Variants in FOXP1 observed in about 807,000 individuals in gnomAD.
The protein encoded by FOXP1 is forkhead box protein P1.
Under a neutral mutation model 98.2 loss-of-function variants are expected in FOXP1, and 15 were observed. The observed-to-expected ratio is 0.15, with a 90% CI of 0.10 to 0.24. The LOEUF (loss-of-function observed/expected upper bound fraction) is 0.24. Ranked by LOEUF, FOXP1 falls within the 10% of genes least tolerant of loss-of-function variation. FOXP1 has a pLI of 1.00. For missense variants in FOXP1, 633 were observed against 848.5 expected, an observed-to-expected ratio of 0.75 and a Z score of 3.15; for synonymous variants, 371 against 314.5, an observed-to-expected ratio of 1.18 and a Z score of -1.90.
At chr3:71,343,396 G>A (rs1426978567) in intron 4 of FOXP1, among the ~76,000 whole-genome samples, 2 of 152,058 alleles carry the variant, frequency 1.3e-5, no homozygotes, top group Non-Finnish European at 2.9e-5. Flanking sequence ...GCCTCTAGGA[G>A]AGAAAGGACT....
At chr3:71,481,940 T>C (rs1224635789) in intron 3 of FOXP1, among the ~76,000 whole-genome samples, 2 of 152,144 alleles carry the variant, frequency 1.3e-5, no homozygotes, top group African/African-American at 4.8e-5. Flanking sequence ...TTCCCCATGT[T>C]TCCCCTGCCC....
intron 4 of FOXP1, among the ~76,000 whole-genome samples, chr3:71,311,386 G>T (rs1475151018): frequency 6.6e-6 from 1 of 152,216 alleles, no homozygotes; most frequent in African/African-American, 2.4e-5. Context: ...CAGTGTGCAG[G>T]CCTCTTGCTT....
chr3:71,432,565 C>T (rs2084817588), intron 3 of FOXP1, among the ~76,000 whole-genome samples: 1 of 152,158 alleles, frequency 6.6e-6, no homozygotes. Flanking sequence ...CCCCACCTAA[C>T]ATAGGGCAGG....
chr3:71,190,263 T>C (rs572893568), intron 6 of FOXP1, among the ~76,000 whole-genome samples: 40 of 152,180 alleles, frequency 2.6e-4, no homozygotes, highest in African/African-American at 7.7e-4. Flanking sequence ...GCACCTAACA[T>C]ATCAGTTCCC....
At chr3:71,534,195 C>G (rs1416033040) in intron 2 of FOXP1, among the ~76,000 whole-genome samples, 1 of 152,188 alleles carries the variant, frequency 6.6e-6, no homozygotes, top group African/African-American at 2.4e-5. Context: ...GAAACCCTGT[C>G]TCTACTAAAA....
intron 5 of FOXP1, among the ~76,000 whole-genome samples, chr3:71,213,135 TAAATG>T (rs2064628065): frequency 6.6e-6 from 1 of 152,066 alleles, no homozygotes; most frequent in Non-Finnish European, 1.5e-5. Context: ...AAATGAAAAT[TAAATG>T]AAGGGAGAAA....
chr3:71,204,654 C>A (rs1282413482), intron 5 of FOXP1, among the ~76,000 whole-genome samples: 2 of 152,048 alleles, frequency 1.3e-5, no homozygotes, highest in Non-Finnish European at 2.9e-5. Flanking sequence ...GAGGGGATGA[C>A]AAATGAGACT....
intron 11 of FOXP1, among the ~76,000 whole-genome samples, chr3:71,019,808 C>T (rs960102689): frequency 6.6e-5 from 10 of 151,546 alleles, no homozygotes; most frequent in African/African-American, 2.4e-4. Flanking sequence ...CCAGCCTGGG[C>T]GACAGATGAC....
chr3:71,108,909 C>A (rs831443), intron 7 of FOXP1, among the ~76,000 whole-genome samples: 137,540 of 152,236 alleles, frequency 0.9, 63,241 homozygotes, highest in Non-Finnish European at 0.98. Flanking sequence ...CAGCACCATG[C>A]CCAGCCTGCT....
chr3:70,972,904 A>G (rs1206562683), intron 17 of FOXP1, among the ~76,000 whole-genome samples: 1 of 152,230 alleles, frequency 6.6e-6, no homozygotes, highest in Non-Finnish European at 1.5e-5. Context: ...GTCTCTGGTA[A>G]TAACTGACCA....
intron 6 of FOXP1, among the ~76,000 whole-genome samples, chr3:71,184,768 T>G (rs60857092): frequency 0.042 from 6,322 of 150,858 alleles, 294 homozygotes; most frequent in East Asian, 0.15. Flanking sequence ...TTTTTTTTTT[T>G]GGGGGGGGCA....
chr3:71,065,127 G>A (rs2052296538), intron 7 of FOXP1, among the ~76,000 whole-genome samples: 1 of 150,772 alleles, frequency 6.6e-6, no homozygotes, highest in Non-Finnish European at 1.5e-5. Flanking sequence ...GTGAAATCAC[G>A]CTCGGGTGCC....
At chr3:71,322,236 G>C (rs2107673472) in intron 4 of FOXP1, among the ~76,000 whole-genome samples, 1 of 152,242 alleles carries the variant, frequency 6.6e-6, no homozygotes, top group East Asian at 1.9e-4. Context: ...TCAACATCTG[G>C]GCTATGAAAA....
intron 6 of FOXP1, among the ~76,000 whole-genome samples, chr3:71,114,749 G>T (rs2058226842): frequency 6.6e-6 from 1 of 152,182 alleles, no homozygotes; most frequent in African/African-American, 2.4e-5. Context: ...CGAGAAAAGG[G>T]GCTGTCTGAG....
intron 5 of FOXP1, among the ~76,000 whole-genome samples, chr3:71,198,725 C>T (rs1013634680): frequency 1.3e-5 from 2 of 151,660 alleles, no homozygotes; most frequent in Non-Finnish European, 2.9e-5. Context: ...TGGAGCACGG[C>T]TCAGTCGCCC....
At position 71,463,354 on chromosome 3, in the gene FOXP1, CAAAAAAAAAAAA is replaced by C. The variant is rs60302484; in HGVS notation, c.-168+30060_-168+30071del. On this transcript the variant is annotated intron_variant, in intron 3 of 20. Coordinates refer to ENST00000649528, the MANE Select transcript of FOXP1 (RefSeq NM_001349338.3). ...TGGGTGACACAGTAAGACACTGTCT[CAAAAAAAAAAAA>C]AAAAAAAAAAAAAACTCACCAAGGG... 9.2e-5 allele frequency among the ~76,000 whole-genome samples: 6 copies of C among 65,366 alleles called. No homozygotes were observed. The South Asian group carries it at 2.4e-3, about 26-fold the overall frequency. The allele number at this position is 65,366 out of a possible 152,430, so 42.9% of individuals were successfully genotyped here.
At chr3:71,054,753 AAAGAT>A (rs1368078777) in intron 7 of FOXP1, among the ~76,000 whole-genome samples, 2 of 152,176 alleles carry the variant, frequency 1.3e-5, no homozygotes, top group Admixed American at 6.5e-5. Flanking sequence ...CCCCAAATAA[AAAGAT>A]AAGGAAAGAA....
intron 2 of FOXP1, among the ~76,000 whole-genome samples, chr3:71,576,557 AGTT>A (rs1199162836): frequency 6.6e-6 from 1 of 152,184 alleles, no homozygotes; most frequent in African/African-American, 2.4e-5. Flanking sequence ...ATAGATTATT[AGTT>A]GTCAGAATCG....
intron 6 of FOXP1, among the ~76,000 whole-genome samples, chr3:71,127,855 C>T (rs1243710930): frequency 1.3e-5 from 2 of 152,282 alleles, no homozygotes; most frequent in East Asian, 3.9e-4. Context: ...CGTATAAATA[C>T]AAAGTATGAT....
Sources: allele counts gnomAD v4.1 joint callset (sites outside exome capture counted in the v4.1 genomes callset), GRCh38; gene constraint gnomAD v4.1.1; transcripts MANE v1.5; gene names NCBI Gene and HGNC (gene_info 2026-07-23, HGNC 2026-07-21).